Variants in NKAIN3 observed in about 807,000 individuals in gnomAD.
NKAIN3 encodes the protein sodium/potassium-transporting ATPase subunit beta-1-interacting protein 3.
Under a neutral mutation model 30.2 loss-of-function variants are expected in NKAIN3, and 25 were observed. That is an observed-to-expected ratio of 0.83 (90% CI 0.60 to 1.16). NKAIN3 has a LOEUF of 1.16. Among genes scored for constraint, NKAIN3 ranks in the 50% most tolerant of loss-of-function variants. The pLI is 0.00. For missense variants in NKAIN3, 225 were observed against 254.1 expected (o/e 0.89, Z 0.78); for synonymous variants, 91 against 89.6 (o/e 1.02, Z -0.09).
chr8:62,291,974 C>T (rs1473370522), intron 1 of NKAIN3, among the ~76,000 whole-genome samples: 2 of 152,022 alleles, frequency 1.3e-5, no homozygotes, highest in African/African-American at 4.8e-5. Flanking sequence ...TGAATTGATC[C>T]CTTTACCATT....
At chr8:62,394,101 C>G (rs1473553211) in intron 1 of NKAIN3, among the ~76,000 whole-genome samples, 1 of 152,158 alleles carries the variant, frequency 6.6e-6, no homozygotes, top group Non-Finnish European at 1.5e-5. Context: ...GCTATACTTG[C>G]AGCGGTGAGA....
At chr8:62,305,866 G>A (rs1814220804) in intron 1 of NKAIN3, among the ~76,000 whole-genome samples, 1 of 150,342 alleles carries the variant, frequency 6.7e-6, no homozygotes, top group South Asian at 2.1e-4. Flanking sequence ...TGACCTGTGA[G>A]TCCTGAGCTT....
At chr8:62,596,553 A>T (rs1395934204) in intron 3 of NKAIN3, among the ~76,000 whole-genome samples, 1 of 151,828 alleles carries the variant, frequency 6.6e-6, no homozygotes, top group African/African-American at 2.4e-5. Flanking sequence ...CGATGTAAGC[A>T]TACTTAGAGT....
At chr8:62,378,208 C>T (rs1461117922) in intron 1 of NKAIN3, among the ~76,000 whole-genome samples, 2 of 152,116 alleles carry the variant, frequency 1.3e-5, no homozygotes, top group African/African-American at 4.8e-5. Flanking sequence ...TTGCCTCTGC[C>T]CTAGAGCTCT....
Position 62,966,880 on chromosome 8 carries a change from C to CT in NKAIN3, c.*1479dup, listed in dbSNP as rs911982718. ...CAAATATTTGTATGTGTGTGAAAGTCTTTTTTCTTCTTGTTCTTCTTTCGG... is the reference window on the plus strand; with the variant it reads ...CAAATATTTGTATGTGTGTGAAAGTCTTTTTTTCTTCTTGTTCTTCTTTCGG... On this transcript the variant is annotated 3_prime_UTR_variant, in exon 7 of 7. Coordinates refer to ENST00000623646, the MANE Select transcript of NKAIN3 (RefSeq NM_001304533.3). Among the ~76,000 whole-genome samples, 23 of 152,176 alleles carry CT rather than the reference C, an allele frequency of 1.5e-4. No individual in the cohort carries two copies. The highest frequency in any genetic ancestry group is 5.3e-4 in the African/African-American group (22 of 41,520).
chr8:62,419,413 A>G (rs1219286917), intron 1 of NKAIN3, among the ~76,000 whole-genome samples: 2 of 152,190 alleles, frequency 1.3e-5, no homozygotes, highest in African/African-American at 4.8e-5. Context: ...CCACCCAGGA[A>G]AGAACTCTGG....
intron 1 of NKAIN3, among the ~76,000 whole-genome samples, chr8:62,331,787 G>T (rs1815367945): frequency 6.6e-6 from 1 of 152,110 alleles, no homozygotes; most frequent in Admixed American, 6.6e-5. Context: ...TATTACGTAT[G>T]TTGTCCTTGT....
At chr8:62,286,810 G>A (rs1158737511) in intron 1 of NKAIN3, among the ~76,000 whole-genome samples, 1 of 152,086 alleles carries the variant, frequency 6.6e-6, no homozygotes, top group Non-Finnish European at 1.5e-5. Flanking sequence ...CTGCAGGGGA[G>A]TCTTTGGGGA....
intron 4 of NKAIN3, among the ~76,000 whole-genome samples, chr8:62,844,936 G>T (rs143744266): frequency 6.6e-6 from 1 of 151,878 alleles, no homozygotes; most frequent in Admixed American, 6.6e-5. Context: ...CTACGAAGGG[G>T]CCCCTAGTGC....
chr8:62,454,815 A>T (rs1458967064), intron 1 of NKAIN3, among the ~76,000 whole-genome samples: 1 of 152,252 alleles, frequency 6.6e-6, no homozygotes, highest in African/African-American at 2.4e-5. Context: ...AACAAATTCC[A>T]TGAAAATATC....
chr8:62,586,719 G>T (rs1810488816), intron 2 of NKAIN3, among the ~76,000 whole-genome samples: 1 of 151,986 alleles, frequency 6.6e-6, no homozygotes, highest in South Asian at 2.1e-4. Flanking sequence ...GATGTCCAAA[G>T]TTTATTTCCA....
At chr8:62,864,086 C>T in intron 4 of NKAIN3, 1 of 654,146 alleles carries the variant, frequency 1.5e-6, no homozygotes, top group Non-Finnish European at 2.7e-6. Flanking sequence ...CTCATTCCGA[C>T]GCGGCGCAAG....
At chr8:62,667,627 G>GT (rs1302067940) in intron 3 of NKAIN3, among the ~76,000 whole-genome samples, 1 of 151,876 alleles carries the variant, frequency 6.6e-6, no homozygotes, top group African/African-American at 2.4e-5. Context: ...TTACTCATCT[G>GT]TTGCATTAGC....
intron 3 of NKAIN3, among the ~76,000 whole-genome samples, chr8:62,719,148 A>T (rs1056408650): frequency 6.6e-6 from 1 of 152,158 alleles, no homozygotes; most frequent in Admixed American, 6.5e-5. Flanking sequence ...GTTCATAGTA[A>T]ACTCTCTTTA....
At chr8:62,288,573 A>G (rs1395077856) in intron 1 of NKAIN3, among the ~76,000 whole-genome samples, 1 of 152,170 alleles carries the variant, frequency 6.6e-6, no homozygotes, top group East Asian at 1.9e-4. Flanking sequence ...ACATAAACTC[A>G]TCCTTTTTTA....
chr8:62,870,276 A>C (rs76292198), intron 4 of NKAIN3, among the ~76,000 whole-genome samples: 61,382 of 99,388 alleles, frequency 0.62, 20,074 homozygotes, highest in African/African-American at 0.71. Context: ...ATATAGATAT[A>C]TATAAATATC....
At chr8:62,898,774 A>G (rs1454766930) in intron 4 of NKAIN3, among the ~76,000 whole-genome samples, 1 of 152,098 alleles carries the variant, frequency 6.6e-6, no homozygotes, top group Non-Finnish European at 1.5e-5. Flanking sequence ...AAATGAAACA[A>G]TCAACAAGGT....
chr8:62,940,132 C>A (rs1372767807), intron 5 of NKAIN3, among the ~76,000 whole-genome samples: 1 of 139,346 alleles, frequency 7.2e-6, no homozygotes, highest in Non-Finnish European at 1.5e-5. Flanking sequence ...ACAAAACAAA[C>A]TTCAAAGCAA....
rs140657822 is a variant in NKAIN3 at position 62,753,551 on chromosome 8, A to G, written c.471+6422A>G. On this transcript the variant is annotated intron_variant, in intron 4 of 6. Coordinates refer to ENST00000623646, the MANE Select transcript of NKAIN3 (RefSeq NM_001304533.3). ...ACAAATGTGTTCACATAAGGGAAAA[A>G]CATCCAAATTGTAAACAGTTTGGTA... is the stretch of plus-strand genomic sequence containing the variant. Among the ~76,000 whole-genome samples, 1,187 of 152,276 alleles carry G rather than the reference A, an allele frequency of 7.8e-3. 7 individuals are homozygous for G. Among genetic ancestry groups the G allele is most frequent in the Middle Eastern group, 0.014 (4 of 294 alleles).
Sources: allele counts gnomAD v4.1 joint callset (sites outside exome capture counted in the v4.1 genomes callset), GRCh38; gene constraint gnomAD v4.1.1; transcripts MANE v1.5; gene names NCBI Gene and HGNC (gene_info 2026-07-23, HGNC 2026-07-21).